CTNNA2: variants seen among roughly 807,000 people sequenced by gnomAD.
CTNNA2 encodes catenin alpha-2.
CTNNA2 carries 42 observed loss-of-function variants against 101.0 expected under a neutral mutation model. That is an observed-to-expected ratio of 0.42 (90% CI 0.32 to 0.54). CTNNA2 has a LOEUF of 0.54. CTNNA2 is among the 20% of genes least tolerant of loss of function. The pLI, the probability that CTNNA2 is intolerant of heterozygous loss-of-function variation, is 0.14. For missense variants in CTNNA2, 871 were observed against 1,223.1 expected, an observed-to-expected ratio of 0.71 and a Z score of 4.29; for synonymous variants, 450 against 456.4, an observed-to-expected ratio of 0.99 and a Z score of 0.18.
intron 2 of CTNNA2, among the ~76,000 whole-genome samples, chr2:79,670,096 G>A (rs1046475262): frequency 2.6e-5 from 4 of 152,212 alleles, no homozygotes; most frequent in African/African-American, 9.6e-5. Context: ...GGTGCAGGCT[G>A]CAGAGATGCC....
upstream of CTNNA2, among the ~76,000 whole-genome samples, chr2:79,508,985 AT>A (rs1671475171): frequency 1.6e-4 from 7 of 43,634 alleles, 1 homozygote; most frequent in Admixed American, 9.9e-4. Context: ...ATATATATAT[AT>A]ATATATATAT....
intron 15 of CTNNA2, chr2:80,603,586 T>C (rs901857194): frequency 6.6e-6 from 1 of 152,224 alleles, no homozygotes; most frequent in African/African-American, 2.4e-5. Flanking sequence ...ATAAAGCATA[T>C]GCATTTATTT....
At chr2:80,634,682 G>C (rs1044937026) in intron 18 of CTNNA2, among the ~76,000 whole-genome samples, 4 of 152,074 alleles carry the variant, frequency 2.6e-5, no homozygotes, top group African/African-American at 9.7e-5. Context: ...CTAGTTAGGG[G>C]AAGCTTTTGT....
intron 2 of CTNNA2, among the ~76,000 whole-genome samples, chr2:79,290,318 C>T (rs1675764021): frequency 6.6e-6 from 1 of 152,160 alleles, no homozygotes; most frequent in African/African-American, 2.4e-5. Flanking sequence ...CCTGGAGCAA[C>T]TGCCCTGGAG....
chr2:80,427,961 A>T (rs961186171), intron 9 of CTNNA2, among the ~76,000 whole-genome samples: 5 of 152,258 alleles, frequency 3.3e-5, no homozygotes, highest in Non-Finnish European at 7.3e-5. Flanking sequence ...TGTAAGGCAG[A>T]ACTATGTGCT....
chr2:79,202,671 G>C (rs777644202), intron 2 of CTNNA2, among the ~76,000 whole-genome samples: 23 of 152,116 alleles, frequency 1.5e-4, no homozygotes, highest in Non-Finnish European at 2.2e-4. Flanking sequence ...CTTGTACTAG[G>C]TGAAGTTCCC....
In CTNNA2 at chr2:80,419,429, TG is replaced by T. The variant is rs757126697; in HGVS notation, c.1138-19del. 6.3e-7 allele frequency: 1 copy of T among 1,585,622 alleles called. No individual in the cohort carries two copies. The highest frequency in any genetic ancestry group is 2.3e-5 in the East Asian group (1 of 44,364). On this transcript the variant is annotated intron_variant, in intron 8 of 18. Transcript: ENST00000402739. ...TATTTCTTAATTGTATGTCATTTTT[TG>T]TTTTTGTTTCAACTGTAGCTTCGGA...
At chr2:79,557,452 T>A (rs1324125731) in intron 1 of CTNNA2, among the ~76,000 whole-genome samples, 1 of 151,856 alleles carries the variant, frequency 6.6e-6, no homozygotes, top group Non-Finnish European at 1.5e-5. Context: ...TGTAATTCAC[T>A]TTTTAGGTTT....
intron 3 of CTNNA2, among the ~76,000 whole-genome samples, chr2:79,792,182 G>C (rs1376173859): frequency 6.6e-6 from 1 of 152,118 alleles, no homozygotes. Context: ...GTTAGATACA[G>C]TTCTCTATGG....
intron 8 of CTNNA2, among the ~76,000 whole-genome samples, chr2:80,407,149 A>C (rs1390888673): frequency 2.0e-5 from 3 of 152,200 alleles, no homozygotes; most frequent in Non-Finnish European, 4.4e-5. Flanking sequence ...GGACCACTAG[A>C]ATAACCTTTG....
chr2:79,735,805 T>G (rs1243159449), intron 2 of CTNNA2, among the ~76,000 whole-genome samples: 1 of 152,188 alleles, frequency 6.6e-6, no homozygotes, highest in Non-Finnish European at 1.5e-5. Flanking sequence ...TCAGTGGGCA[T>G]GCATCTGAAT....
intron 6 of CTNNA2, among the ~76,000 whole-genome samples, chr2:79,908,673 C>T (rs1322700515): frequency 1.3e-5 from 2 of 152,206 alleles, no homozygotes; most frequent in African/African-American, 4.8e-5. Context: ...ACTACCCTTT[C>T]TGTCTTCCTT....
At chr2:79,499,488 C>T in intron 4 of CTNNA2, among the ~76,000 whole-genome samples, 1 of 152,198 alleles carries the variant, frequency 6.6e-6, no homozygotes, top group East Asian at 1.9e-4. Flanking sequence ...CTGATCAAAA[C>T]ACTCTACTGA....
intron 2 of CTNNA2, among the ~76,000 whole-genome samples, chr2:79,232,758 C>T (rs763860330): frequency 6.6e-6 from 1 of 152,086 alleles, no homozygotes; most frequent in Non-Finnish European, 1.5e-5. Context: ...CTTTCTGATT[C>T]AATCTTGGGA....
intron 7 of CTNNA2, among the ~76,000 whole-genome samples, chr2:80,381,070 C>A (rs1265314390): frequency 6.6e-6 from 1 of 152,016 alleles, no homozygotes; most frequent in Non-Finnish European, 1.5e-5. Flanking sequence ...GTATGACAGA[C>A]TCCAAGCATG....
chr2:80,266,053 A>C (rs1672977645), intron 7 of CTNNA2, among the ~76,000 whole-genome samples: 2 of 152,196 alleles, frequency 1.3e-5, no homozygotes, highest in African/African-American at 4.8e-5. Flanking sequence ...TGAGGGCTTC[A>C]ATTTCCCCAT....
chr2:79,981,195 A>AG (rs1320965260), intron 7 of CTNNA2, among the ~76,000 whole-genome samples: 2 of 152,144 alleles, frequency 1.3e-5, no homozygotes, highest in African/African-American at 4.8e-5. Flanking sequence ...AAGTAAACAG[A>AG]GGGGAAAAAA....
chr2:80,437,235 C>T (rs1682121123), intron 9 of CTNNA2, among the ~76,000 whole-genome samples: 1 of 152,116 alleles, frequency 6.6e-6, no homozygotes, highest in African/African-American at 2.4e-5. Context: ...CTATAGCTGC[C>T]TGAACACACT....
At chr2:80,095,441 C>T (rs1176730075) in intron 7 of CTNNA2, among the ~76,000 whole-genome samples, 1 of 152,174 alleles carries the variant, frequency 6.6e-6, no homozygotes, top group Non-Finnish European at 1.5e-5. Flanking sequence ...CAATGTTCAT[C>T]AAGGATATTG....
Sources: allele counts gnomAD v4.1 joint callset (sites outside exome capture counted in the v4.1 genomes callset), GRCh38; gene constraint gnomAD v4.1.1; transcripts MANE v1.5; gene names NCBI Gene and HGNC (gene_info 2026-07-23, HGNC 2026-07-21).